FARP1: variants seen among roughly 807,000 people sequenced by gnomAD.
FARP1 encodes FERM, ARH/RhoGEF and pleckstrin domain protein 1.
In FARP1, 52 loss-of-function variants were observed where a neutral mutation model predicts 128.8. The observed-to-expected ratio is 0.40, with a 90% confidence interval of 0.32 to 0.51. The LOEUF is 0.51. Among genes scored for constraint, FARP1 ranks in the 20% least tolerant of loss-of-function variants. The pLI is 0.45. For synonymous variants in FARP1, 580 were observed against 551.8 expected (o/e 1.05, Z -0.72); for missense variants, 1,333 against 1,367.9 (o/e 0.97, Z 0.40).
At chr13:98,223,248 T>C (rs1181824854) in intron 2 of FARP1, among the ~76,000 whole-genome samples, 1 of 152,204 alleles carries the variant, frequency 6.6e-6, no homozygotes, top group Non-Finnish European at 1.5e-5. Context: ...CTGTGACAAA[T>C]GTTTTACTTG....
intron 1 of FARP1, among the ~76,000 whole-genome samples, chr13:98,174,606 G>C (rs1328011616): frequency 2.0e-5 from 3 of 152,138 alleles, no homozygotes; most frequent in African/African-American, 7.2e-5. Context: ...GTTAGCTTTG[G>C]CAAGGACAAT....
chr13:98,335,117 C>T (rs1037981281), intron 2 of FARP1, among the ~76,000 whole-genome samples: 1 of 152,228 alleles, frequency 6.6e-6, no homozygotes, highest in Admixed American at 6.5e-5. Flanking sequence ...TTGCTCTATT[C>T]TCTGACTTTC....
chr13:98,394,857 C>T (rs1890453751), intron 12 of FARP1, among the ~76,000 whole-genome samples: 2 of 152,146 alleles, frequency 1.3e-5, no homozygotes, highest in Admixed American at 6.5e-5. Flanking sequence ...CCCAAGAGGT[C>T]GAGGCCGCTG....
intron 2 of FARP1, among the ~76,000 whole-genome samples, chr13:98,277,148 A>ACACACACACACACACACACACACACACAC (rs372627844): frequency 7.2e-6 from 1 of 138,580 alleles, no homozygotes; most frequent in Non-Finnish European, 1.6e-5. Context: ...ACACACACAC[A>ACACACACACACACACACACACACACACAC]CCCCATATGT....
intron 1 of FARP1, among the ~76,000 whole-genome samples, chr13:98,192,061 G>A (rs1879265461): frequency 2.7e-5 from 4 of 150,714 alleles, no homozygotes; most frequent in South Asian, 4.3e-4. Context: ...ATTCCTACTC[G>A]TTGTGCAGAA....
At chr13:98,212,759 C>A (rs1441114537) in intron 1 of FARP1, among the ~76,000 whole-genome samples, 1 of 152,088 alleles carries the variant, frequency 6.6e-6, no homozygotes, top group African/African-American at 2.4e-5. Flanking sequence ...TTTCCTCAAC[C>A]AGATTATTAG....
At chr13:98,165,559 A>AT (rs1333253042) in intron 1 of FARP1, among the ~76,000 whole-genome samples, 2 of 151,738 alleles carry the variant, frequency 1.3e-5, no homozygotes, top group African/African-American at 4.8e-5. Flanking sequence ...AATAATGAAA[A>AT]TTTACAGGGG....
intron 1 of FARP1, chr13:98,175,935 G>A (rs370969714): frequency 9.0e-6 from 5 of 553,776 alleles, no homozygotes; most frequent in East Asian, 6.0e-5. Flanking sequence ...TGTGTGTATC[G>A]CATTTTGTTT....
At chr13:98,444,461 G>C (rs77162981) in intron 24 of FARP1, among the ~76,000 whole-genome samples, 2 of 152,184 alleles carry the variant, frequency 1.3e-5, no homozygotes, top group Non-Finnish European at 2.9e-5. Flanking sequence ...TGACCCTCTC[G>C]TGAAGGCAGT....
chr13:98,337,244 G>A lies in FARP1; in HGVS notation c.172-6518G>A, dbSNP rs528504905. Among the ~76,000 whole-genome samples the A allele has an allele frequency of 1.1e-4, 16 of 152,214 alleles. No individual in the cohort carries two copies. The South Asian group carries it at 2.7e-3, about 26-fold the overall frequency. ...AAACATCAGCCAGATGCGGTTTTGCGCTCCTGTAGTCCCAGGTTCTTGGGA... is the reference window on the plus strand; with the variant it reads ...AAACATCAGCCAGATGCGGTTTTGCACTCCTGTAGTCCCAGGTTCTTGGGA... On this transcript the variant is annotated intron_variant, in intron 2 of 26. Coordinates refer to ENST00000319562, the MANE Select transcript of FARP1 (RefSeq NM_005766.4).
At chr13:98,200,297 G>C (rs1879846558) in intron 1 of FARP1, among the ~76,000 whole-genome samples, 1 of 151,882 alleles carries the variant, frequency 6.6e-6, no homozygotes, top group Non-Finnish European at 1.5e-5. Context: ...TGTCATTTTA[G>C]CTAATCTTTA....
At chr13:98,409,894 G>A (rs1891124042) in intron 14 of FARP1, among the ~76,000 whole-genome samples, 1 of 152,208 alleles carries the variant, frequency 6.6e-6, no homozygotes, top group Admixed American at 6.5e-5. Flanking sequence ...TTAGCATTCT[G>A]TCTTCATGGA....
rs1888083781 is a variant in FARP1 at position 98,344,168 on chromosome 13, A to G, written c.276+302A>G. Among the ~76,000 whole-genome samples, 5 of 152,138 alleles carry G rather than the reference A, an allele frequency of 3.3e-5. No individual in the cohort carries two copies. The South Asian group carries it at 1.0e-3, about 32-fold the overall frequency. On this transcript the variant is annotated intron_variant, in intron 3 of 26. Transcript: ENST00000319562. ...TTAAAAGAGAGTGTGATATGATCTG[A>G]TTTCTGGTTTAGAAAGAGAACTGTA...
rs1875225727 is a variant in FARP1, at chr13:98,143,474, AGCCGC to A, written c.-41_-37del. On this transcript the variant is annotated 5_prime_UTR_variant, in exon 1 of 27. Coordinates refer to ENST00000319562, the MANE Select transcript of FARP1 (RefSeq NM_005766.4). ...CCGAGCCGGGAGAGGGAGCCGCCGC[AGCCGC>A]CGGCGCTGTGGAGGTAGGAGGCGCG... 1 of 150,162 alleles carries A rather than the reference AGCCGC, an allele frequency of 6.7e-6. No homozygotes were observed. The highest frequency in any genetic ancestry group is 6.6e-5 in the Admixed American group (1 of 15,084). The allele number at this position is 150,162 out of a possible 1,614,324, so 9.3% of individuals were successfully genotyped here.
intron 2 of FARP1, among the ~76,000 whole-genome samples, chr13:98,217,649 C>T (rs1253711204): frequency 5.9e-5 from 9 of 152,192 alleles, no homozygotes; most frequent in Admixed American, 1.3e-4. Flanking sequence ...CCGGGAGGTG[C>T]CTGGGCAACT....
At chr13:98,261,963 C>T (rs369562551) in intron 2 of FARP1, among the ~76,000 whole-genome samples, 24 of 151,954 alleles carry the variant, frequency 1.6e-4, no homozygotes, top group African/African-American at 5.6e-4. Flanking sequence ...CTTTAACTGC[C>T]CTCCTTGTGC....
chr13:98,385,587 G>A, intron 7 of FARP1, 80 bp from the exon 8 acceptor site: 1 of 1,498,998 alleles, frequency 6.7e-7, no homozygotes, highest in African/African-American at 1.4e-5. Flanking sequence ...TATTTCCCAG[G>A]AGAAGCTTCT....
intron 16 of FARP1, among the ~76,000 whole-genome samples, chr13:98,415,293 C>G (rs1161796657): frequency 6.6e-6 from 1 of 152,164 alleles, no homozygotes; most frequent in Non-Finnish European, 1.5e-5. Context: ...TTGGGGTGAT[C>G]GTGATGAATA....
chr13:98,247,200 C>G (rs1320890320), intron 2 of FARP1, among the ~76,000 whole-genome samples: 2 of 152,206 alleles, frequency 1.3e-5, no homozygotes, highest in East Asian at 3.8e-4. Context: ...TGAGATCGCA[C>G]CACTGCACTC....
Sources: allele counts gnomAD v4.1 joint callset (sites outside exome capture counted in the v4.1 genomes callset), GRCh38; gene constraint gnomAD v4.1.1; transcripts MANE v1.5; gene names NCBI Gene and HGNC (gene_info 2026-07-23, HGNC 2026-07-21).